RPS6KA1: variants seen among roughly 807,000 people sequenced by gnomAD.
RPS6KA1 encodes the protein ribosomal protein S6 kinase alpha-1.
RPS6KA1 carries 48 observed loss-of-function variants against 91.3 expected under a neutral mutation model. That is an observed-to-expected ratio of 0.53 (90% CI 0.42 to 0.67). RPS6KA1 has a LOEUF of 0.67. Among genes scored for constraint, RPS6KA1 ranks in the 30% least tolerant of loss-of-function variants. The probability of loss-of-function intolerance (pLI) is 0.00; values close to 1 mark genes in which losing one functional copy is unlikely to be tolerated. For missense variants in RPS6KA1, 719 were observed against 960.5 expected (o/e 0.75, Z 3.32); for synonymous variants, 359 against 384.7 (o/e 0.93, Z 0.78).
rs751035989 is a variant in RPS6KA1 at position 26,551,810 on chromosome 1, T to A, written c.468+87T>A. 31 of 1,236,416 alleles carry A rather than the reference T, an allele frequency of 2.5e-5. No individual in the cohort carries two copies. Among genetic ancestry groups the A allele is most frequent in the Non-Finnish European group, 3.3e-5 (28 of 844,440 alleles). 76.6% of individuals were successfully genotyped at this position (1,236,416 alleles called of 1,614,324 possible). A position where few individuals can be genotyped will look rare whatever the true frequency, so the allele number is the denominator to read the frequency against. ...ATCCCAGGGCCCTGTACAGAATGTG[T>A]TTGGTATGGCTTGAACCTGGAACCA... On this transcript the variant is annotated intron_variant, in intron 6 of 21. Coordinates refer to ENST00000374168, the MANE Select transcript of RPS6KA1 (RefSeq NM_002953.4). The surrounding 1 kb of genome is among the most constrained non-coding windows in gnomAD (Gnocchi z 4.5).
intron 17 of RPS6KA1, among the ~76,000 whole-genome samples, chr1:26,570,296 G>A (rs2076238429): frequency 6.6e-6 from 1 of 152,038 alleles, no homozygotes; most frequent in Non-Finnish European, 1.5e-5. Flanking sequence ...AGCAGCCTGG[G>A]CAACATAGCG....
chr1:26,531,967 C>T (rs1206131817), intron 1 of RPS6KA1, among the ~76,000 whole-genome samples: 1 of 152,106 alleles, frequency 6.6e-6, no homozygotes, highest in Non-Finnish European at 1.5e-5. Flanking sequence ...GCCCAGGTGA[C>T]ATGTAAGCGA....
intron 13 of RPS6KA1, among the ~76,000 whole-genome samples, chr1:26,557,311 G>A (rs1445336441): frequency 6.6e-6 from 1 of 152,154 alleles, no homozygotes; most frequent in Non-Finnish European, 1.5e-5. Context: ...GGGTCTCTTT[G>A]TGTCTGGTGA....
rs779938369 is a variant in RPS6KA1 at position 26,558,879 on chromosome 1, T to C, written c.1157T>C (p.Leu386Pro). The change falls in exon 14 of 22, where the codon CTG becomes CCG. Residue 386 changes from leucine (L) to proline (P), a missense_variant. This residue lies in a region of RPS6KA1 where 228 missense variants were observed against 247.6 expected (regional missense o/e 0.92). Coordinates refer to ENST00000374168, the MANE Select transcript of RPS6KA1 (RefSeq NM_002953.4). The surrounding 1 kb of genome is among the most constrained non-coding windows in gnomAD (Gnocchi z 4.0). ...FRGFSFVATG[L>P]MEDDGKPRAP... ...GGCTTCAGCTTCGTGGCCACCGGCC[T>C]GATGGAAGACGACGGCAAGCCTCGT... The C allele has an allele frequency of 2.5e-5, 40 of 1,613,774 alleles. No individual in the cohort carries two copies. Among genetic ancestry groups the C allele is most frequent in the Middle Eastern group, 3.3e-4 (2 of 6,080 alleles).
At chr1:26,563,452 C>A (rs2076172104) in intron 17 of RPS6KA1, among the ~76,000 whole-genome samples, 1 of 152,046 alleles carries the variant, frequency 6.6e-6, no homozygotes, top group African/African-American at 2.4e-5. Flanking sequence ...GTCTTGAACT[C>A]TTGAGCTCAA....
intron 17 of RPS6KA1, among the ~76,000 whole-genome samples, chr1:26,568,839 T>A (rs2076225885): frequency 6.6e-6 from 1 of 152,208 alleles, no homozygotes; most frequent in South Asian, 2.1e-4. Context: ...CTGGAAAGAC[T>A]ATGGAATTCA....
At chr1:26,539,890 C>T (rs2075934446) in intron 2 of RPS6KA1, among the ~76,000 whole-genome samples, 1 of 152,206 alleles carries the variant, frequency 6.6e-6, no homozygotes, top group Admixed American at 6.5e-5. Context: ...GCCTGCAGGT[C>T]TATTTTGAGA....
chr1:26,544,539 A>G (rs2075975343), intron 2 of RPS6KA1, among the ~76,000 whole-genome samples: 1 of 148,730 alleles, frequency 6.7e-6, no homozygotes, highest in South Asian at 2.1e-4. Flanking sequence ...CGGTGGTGCG[A>G]TCTTGGCTCA....
chr1:26,573,239 A>G lies in RPS6KA1; in HGVS notation c.1963A>G (p.Met655Val). 6.2e-7 allele frequency: 1 copy of G among 1,614,060 alleles called. No individual in the cohort carries two copies. The highest frequency in any genetic ancestry group is 8.5e-7 in the Non-Finnish European group (1 of 1,179,968). ...SETAKDLVSK[M>V]LHVDPHQRLT... is the part of the protein sequence containing the mutation. ...GTGTCCCCAGGACCTGGTGTCCAAG[A>G]TGCTACACGTGGATCCCCACCAGCG... The change falls in exon 21 of 22, where the codon ATG (methionine) becomes GTG (valine). Residue 655 changes from methionine to valine, a missense_variant. This residue lies in a region of RPS6KA1 where 249 missense variants were observed against 323.1 expected (regional missense o/e 0.77). Coordinates refer to ENST00000374168, the MANE Select transcript of RPS6KA1 (RefSeq NM_002953.4).
In RPS6KA1 at chr1:26,554,181, T is replaced by TGAGG; in HGVS notation, c.576-31_576-28dup. ...ACACCATCACCCACACGGCCACAGC[T>TGAGG]GAGGGGCCCTGACCACTATTTCTCT... On this transcript the variant is annotated intron_variant, in intron 7 of 21. Transcript: ENST00000374168. This position sits in a 1 kb window ranked among gnomAD's most constrained non-coding sequence, Gnocchi z 4.6. 1 of 1,550,600 alleles carries TGAGG rather than the reference T, an allele frequency of 6.4e-7. No homozygotes were observed. The highest frequency in any genetic ancestry group is 1.7e-4 in the Middle Eastern group (1 of 5,890).
At position 26,529,802 on chromosome 1, in the gene RPS6KA1, G is replaced by C. The variant is rs1257527600; in HGVS notation, c.-119G>C. On this transcript the variant is annotated 5_prime_UTR_variant, in exon 1 of 22. Coordinates refer to ENST00000374168, the MANE Select transcript of RPS6KA1 (RefSeq NM_002953.4). This position sits in a 1 kb window ranked among gnomAD's most constrained non-coding sequence, Gnocchi z 4.2. The stretch of plus-strand genomic sequence containing the variant: ...GGCGGCGGCGGCGGACGGCCCAGCC[G>C]GAGCGCGAGGGGCTCGGGGGGGCGC... 5 of 698,704 alleles carry C rather than the reference G, an allele frequency of 7.2e-6. No individual in the cohort carries two copies. The highest frequency in any genetic ancestry group is 5.0e-5 in the Admixed American group (1 of 20,200). 43.3% of individuals were successfully genotyped at this position (698,704 alleles called of 1,614,324 possible).
chr1:26,556,155 C>T lies in RPS6KA1; in HGVS notation c.917-499C>T, dbSNP rs1273736499. On this transcript the variant is annotated intron_variant, in intron 11 of 21. Coordinates refer to ENST00000374168, the MANE Select transcript of RPS6KA1 (RefSeq NM_002953.4). ...ATGAAATGAGGTTGTGTGAACATGC[C>T]GGCATGTAGTAGGTGTCCAGTGTGT... 4 of 199,866 alleles carry T rather than the reference C, an allele frequency of 2.0e-5. No individual in the cohort carries two copies. In the East Asian group the frequency reaches 3.7e-4, roughly 18 times the overall value. 12.4% of individuals were successfully genotyped at this position (199,866 alleles called of 1,614,324 possible).
Position 26,574,601 on chromosome 1 carries a change from A to G in RPS6KA1, c.*400A>G. On this transcript the variant is annotated 3_prime_UTR_variant, in exon 22 of 22. Coordinates refer to ENST00000374168, the MANE Select transcript of RPS6KA1 (RefSeq NM_002953.4). This position sits in a 1 kb window ranked among gnomAD's most constrained non-coding sequence, Gnocchi z 4.3. ...GGATCCCACCCTGGGGACCCCCACG[A>G]TTGGCCACCTGTAGCCATCTGCACA... The G allele has an allele frequency of 2.6e-6, 1 of 388,922 alleles. No individual in the cohort carries two copies. The highest frequency in any genetic ancestry group is 5.1e-6 in the Non-Finnish European group (1 of 197,426). The allele number at this position is 388,922 out of a possible 1,614,324, so 24.1% of individuals were successfully genotyped here.
Position 26,555,311 on chromosome 1 carries a change from T to A in RPS6KA1, c.827+90T>A. ...AGAATATTATTACCCTGTCCCTGCC[T>A]CAGCTACCCTCTCTAATGAGACTCT... On this transcript the variant is annotated intron_variant, in intron 10 of 21. Coordinates refer to ENST00000374168, the MANE Select transcript of RPS6KA1 (RefSeq NM_002953.4). This position sits in a 1 kb window ranked among gnomAD's most constrained non-coding sequence, Gnocchi z 4.3. 7.8e-7 allele frequency: 1 copy of A among 1,288,328 alleles called. No individual in the cohort carries two copies. The highest frequency in any genetic ancestry group is 1.5e-5 in the African/African-American group (1 of 68,516). 79.8% of individuals were successfully genotyped at this position (1,288,328 alleles called of 1,614,324 possible).
chr1:26,541,663 C>T (rs1453825448), intron 2 of RPS6KA1, among the ~76,000 whole-genome samples: 4 of 152,274 alleles, frequency 2.6e-5, no homozygotes, highest in African/African-American at 7.2e-5. Context: ...CCAGCTCCCC[C>T]TCAAGGCTGC....
intron 12 of RPS6KA1, 102 bp downstream of exon 12, chr1:26,556,820 G>A (rs146641509): frequency 2.3e-5 from 33 of 1,416,584 alleles, no homozygotes; most frequent in Middle Eastern, 1.8e-4. Context: ...GGCCCCAGAC[G>A]CAGGAGCAGA....
intron 2 of RPS6KA1, among the ~76,000 whole-genome samples, chr1:26,541,699 C>T (rs1008394475): frequency 6.6e-6 from 1 of 152,274 alleles, no homozygotes; most frequent in African/African-American, 2.4e-5. Flanking sequence ...CCCTCCTCAC[C>T]TGCCTGGAGG....
At position 26,556,655 on chromosome 1, in the gene RPS6KA1, C is replaced by T. The variant is rs1447850553; in HGVS notation, c.918C>T (p.Gly306=). 1 of 1,614,210 alleles carries T rather than the reference C, an allele frequency of 6.2e-7. No individual in the cohort carries two copies. Among genetic ancestry groups the T allele is most frequent in the Admixed American group, 1.7e-5 (1 of 60,022 alleles). The change falls in exon 12 of 22, where the codon GGC becomes GGT. Residue 306 remains glycine (G), a splice_region_variant and synonymous_variant. Transcript: ENST00000374168. Reference sequence around the variant, plus strand: ...GACCCTTCATTTGGGCTCTTTCAGGCTCCGGCCCTGATGGGGCAGAGGAAA... The same window carrying T: ...GACCCTTCATTTGGGCTCTTTCAGGTTCCGGCCCTGATGGGGCAGAGGAAA... ...LFKRNPANRL[G]SGPDGAEEIK...
intron 17 of RPS6KA1, among the ~76,000 whole-genome samples, chr1:26,565,427 CA>C (rs2076190901): frequency 6.6e-6 from 1 of 152,062 alleles, no homozygotes; most frequent in South Asian, 2.1e-4. Context: ...CCTGTGTAAC[CA>C]GTACCCAGCT....
Sources: gnomAD v4.1 joint callset for allele counts (sites outside exome capture counted in the v4.1 genomes callset) on GRCh38, gnomAD v4.1.1 for gene constraint, gnomAD v4.1.1 regional missense constraint, Gnocchi (gnomAD v3.1) non-coding constraint, MANE v1.5 for transcripts, NCBI Gene and HGNC (gene_info 2026-07-23, HGNC 2026-07-21) for gene names.